CNTN4: variants seen among roughly 807,000 people sequenced by gnomAD.
CNTN4 encodes contactin-4.
In CNTN4, 77 loss-of-function variants were observed where a neutral mutation model predicts 122.5. The observed-to-expected ratio is 0.63, with a 90% CI of 0.52 to 0.76. CNTN4 has a LOEUF of 0.76. CNTN4 is among the 30% of genes least tolerant of loss of function. The pLI, the probability that CNTN4 is intolerant of heterozygous loss-of-function variation, is 0.00. For missense variants in CNTN4, 1,256 were observed against 1,259.1 expected (o/e 1.00, Z 0.04); for synonymous variants, 512 against 447.0 (o/e 1.15, Z -1.83).
At chr3:2,420,472 G>T (rs2047573901) in intron 3 of CNTN4, among the ~76,000 whole-genome samples, 1 of 150,122 alleles carries the variant, frequency 6.7e-6, no homozygotes, top group South Asian at 2.1e-4. Flanking sequence ...GTCTCACTCT[G>T]TCCCCCAGGC....
intron 2 of CNTN4, among the ~76,000 whole-genome samples, chr3:2,258,451 G>T (rs1037205774): frequency 6.6e-6 from 1 of 151,932 alleles, no homozygotes; most frequent in Non-Finnish European, 1.5e-5. Context: ...TATACATTTA[G>T]GAAATTACTT....
At chr3:2,942,731 AATAAGT>A (rs1364206372) in intron 13 of CNTN4, among the ~76,000 whole-genome samples, 1 of 152,198 alleles carries the variant, frequency 6.6e-6, no homozygotes, top group Non-Finnish European at 1.5e-5. Flanking sequence ...TCTATAATCA[AATAAGT>A]ATAAGAAGTA....
intron 3 of CNTN4, among the ~76,000 whole-genome samples, chr3:2,454,091 A>G (rs2048921017): frequency 1.0e-5 from 1 of 96,684 alleles, no homozygotes; most frequent in East Asian, 3.3e-4. Flanking sequence ...CGAAGAAGCT[A>G]ACTTGCCTGT....
intron 4 of CNTN4, among the ~76,000 whole-genome samples, chr3:2,612,440 A>C (rs937416026): frequency 6.6e-6 from 1 of 152,114 alleles, no homozygotes; most frequent in African/African-American, 2.4e-5. Context: ...ATTTTTACTG[A>C]ATGTGTATTG....
chr3:2,777,334 T>C (rs1477014545), intron 6 of CNTN4, among the ~76,000 whole-genome samples: 1 of 152,220 alleles, frequency 6.6e-6, no homozygotes, highest in Non-Finnish European at 1.5e-5. Flanking sequence ...TAAAGAAAGA[T>C]GGAAAACAAT....
At chr3:2,568,247 T>C (rs2079261978) in intron 3 of CNTN4, among the ~76,000 whole-genome samples, 1 of 150,100 alleles carries the variant, frequency 6.7e-6, no homozygotes, top group African/African-American at 2.5e-5. Context: ...TGTACTGAGG[T>C]CTTCAGTGTC....
At chr3:2,313,206 C>G (rs2042974908) in intron 2 of CNTN4, among the ~76,000 whole-genome samples, 1 of 151,738 alleles carries the variant, frequency 6.6e-6, no homozygotes, top group Non-Finnish European at 1.5e-5. Context: ...GCAAGACGTA[C>G]ATAAACTGTT....
chr3:2,474,517 A>T (rs2075782984), intron 3 of CNTN4, among the ~76,000 whole-genome samples: 1 of 152,178 alleles, frequency 6.6e-6, no homozygotes, highest in Admixed American at 6.5e-5. Context: ...AAATTACTCT[A>T]AGGAATGTGT....
At chr3:2,530,600 A>T in intron 3 of CNTN4, among the ~76,000 whole-genome samples, 1 of 151,886 alleles carries the variant, frequency 6.6e-6, no homozygotes, top group Non-Finnish European at 1.5e-5. Context: ...AAGCCACCGC[A>T]CCTGGCCTCT....
At chr3:2,747,092 C>CAA (rs201475392) in intron 6 of CNTN4, among the ~76,000 whole-genome samples, 1,693 of 141,340 alleles carry the variant, frequency 0.012, 24 homozygotes, top group African/African-American at 0.038. Flanking sequence ...AGTATAACAC[C>CAA]AAAAAAAAAA....
chr3:2,658,825 C>T (rs1198761022), intron 4 of CNTN4, among the ~76,000 whole-genome samples: 1 of 151,982 alleles, frequency 6.6e-6, no homozygotes, highest in Non-Finnish European at 1.5e-5. Context: ...TATAATGAAG[C>T]TCACTCTATC....
At chr3:2,608,800 A>T (rs570259736) in intron 4 of CNTN4, among the ~76,000 whole-genome samples, 8 of 152,274 alleles carry the variant, frequency 5.3e-5, no homozygotes, top group African/African-American at 1.7e-4. Context: ...GGCTCTTTTT[A>T]AAAAATGCAT....
At chr3:2,466,259 A>C (rs895185722) in intron 3 of CNTN4, among the ~76,000 whole-genome samples, 3 of 152,226 alleles carry the variant, frequency 2.0e-5, no homozygotes, top group Non-Finnish European at 4.4e-5. Context: ...ACAAAAGATG[A>C]AATGCTTGTC....
At chr3:2,411,077 T>G (rs1265257422) in intron 3 of CNTN4, among the ~76,000 whole-genome samples, 3 of 152,172 alleles carry the variant, frequency 2.0e-5, no homozygotes, top group Non-Finnish European at 4.4e-5. Context: ...TATTATGTAG[T>G]TTACTTACAA....
chr3:2,853,494 C>A (rs1383601860), intron 7 of CNTN4, among the ~76,000 whole-genome samples: 1 of 152,180 alleles, frequency 6.6e-6, no homozygotes, highest in Non-Finnish European at 1.5e-5. Context: ...CTGCCCACCT[C>A]AGCCTCCCAA....
At chr3:2,229,945 G>A (rs371661338) in intron 2 of CNTN4, among the ~76,000 whole-genome samples, 1 of 152,154 alleles carries the variant, frequency 6.6e-6, no homozygotes, top group Non-Finnish European at 1.5e-5. Flanking sequence ...GTGAATGCAT[G>A]AGAATGTGAG....
intron 13 of CNTN4, among the ~76,000 whole-genome samples, chr3:2,968,838 A>G (rs1230187960): frequency 6.6e-6 from 1 of 152,192 alleles, no homozygotes; most frequent in Non-Finnish European, 1.5e-5. Context: ...TTGATGCATC[A>G]TCTATGGACA....
At position 2,682,863 on chromosome 3, in the gene CNTN4, A is replaced by C. The variant is rs761195131; in HGVS notation, c.56-53352A>C. Among the ~76,000 whole-genome samples the C allele has an allele frequency of 8.6e-4, 131 of 152,220 alleles. 1 individual carries two copies. The highest frequency in any genetic ancestry group is 3.4e-3 in the Middle Eastern group (1 of 294). On this transcript the variant is annotated intron_variant, in intron 4 of 24. Coordinates refer to ENST00000418658, the MANE Select transcript of CNTN4 (RefSeq NM_175607.3). ...CCAATCTTCCCAGTTTCATTTCAGGACAAGCCTTTAGCAACAACAAATTTT... is the reference window on the plus strand; with the variant it reads ...CCAATCTTCCCAGTTTCATTTCAGGCCAAGCCTTTAGCAACAACAAATTTT...
intron 4 of CNTN4, among the ~76,000 whole-genome samples, chr3:2,601,786 C>CA (rs1235109924): frequency 2.6e-5 from 4 of 151,732 alleles, no homozygotes; most frequent in Admixed American, 2.6e-4. Context: ...AGAGACACAA[C>CA]AAAAAAAGAG....
Sources: gnomAD v4.1 joint callset for allele counts (sites outside exome capture counted in the v4.1 genomes callset) on GRCh38, gnomAD v4.1.1 for gene constraint, MANE v1.5 for transcripts, NCBI Gene and HGNC (gene_info 2026-07-23, HGNC 2026-07-21) for gene names.